OPA1: variants seen among roughly 807,000 people sequenced by gnomAD.
The protein encoded by OPA1 is OPA1 mitochondrial dynamin like GTPase, also known as dynamin-like GTPase OPA1, mitochondrial.
A neutral mutation model predicts 152.9 loss-of-function variants in OPA1; 59 were observed. The observed-to-expected ratio is 0.39, with a 90% CI of 0.31 to 0.48. OPA1 has a LOEUF of 0.48. Ranked by LOEUF, OPA1 falls within the 20% of genes least tolerant of loss-of-function variation. The pLI, the probability that OPA1 is intolerant of heterozygous loss-of-function variation, is 0.96. For synonymous variants in OPA1, 400 were observed against 389.9 expected, an observed-to-expected ratio of 1.03 and a Z score of -0.31; for missense variants, 1,008 against 1,216.8, an observed-to-expected ratio of 0.83 and a Z score of 2.55.
chr3:193,593,457 G>T, intron 1 of OPA1, 48 bp downstream of exon 1: 1 of 1,488,356 alleles, frequency 6.7e-7, no homozygotes, highest in Non-Finnish European at 9.0e-7. Context: ...GGCCTCTTGA[G>T]AGTGGGGCTG....
chr3:193,667,444 G>A (rs114568312), intron 29 of OPA1, 164 bp downstream of exon 29: 16,866 of 665,702 alleles, frequency 0.025, 284 homozygotes, highest in Non-Finnish European at 0.029. Flanking sequence ...GCCAAGATGG[G>A]TGGAAAACAA....
intron 26 of OPA1, 55 bp from the exon 27 acceptor site, chr3:193,664,825 T>A: frequency 1.1e-6 from 1 of 948,552 alleles, no homozygotes; most frequent in Non-Finnish European, 1.7e-6. Context: ...CTCAGTGTGG[T>A]TGATCAACAT....
chr3:193,659,251 A>G (rs548657337), intron 24 of OPA1, among the ~76,000 whole-genome samples: 1 of 152,354 alleles, frequency 6.6e-6, no homozygotes, highest in East Asian at 1.9e-4. Context: ...TGTGTTCGCT[A>G]CTGTACTTAT....
Position 193,615,763 on chromosome 3 carries a change from C to T in OPA1, c.441C>T (p.Ile147=), listed in dbSNP as rs750416208. ...TTGTGTGGGAAATTGATGAGTATAT[C>T]GATTTTGGTTTGTATCATGAACATT... The part of the protein sequence containing the change: ...PDIVWEIDEY[I]DFEKIRKALP... Residue 147 remains isoleucine, a synonymous_variant, in exon 3 of 31, where the codon ATC becomes ATT. Coordinates refer to ENST00000361510, the MANE Select transcript of OPA1 (RefSeq NM_130837.3). The T allele has an allele frequency of 7.5e-6, 12 of 1,599,354 alleles. No homozygotes were observed. Among genetic ancestry groups the T allele is most frequent in the Non-Finnish European group, 9.4e-6 (11 of 1,166,798 alleles).
At chr3:193,673,383 T>C (rs1172655154) in intron 29 of OPA1, among the ~76,000 whole-genome samples, 1 of 152,222 alleles carries the variant, frequency 6.6e-6, no homozygotes, top group Non-Finnish European at 1.5e-5. Context: ...TATGAGAACT[T>C]TCATAGAACA....
intron 27 of OPA1, 78 bp from the exon 28 acceptor site, chr3:193,666,218 C>T: frequency 2.5e-6 from 3 of 1,179,764 alleles, no homozygotes; most frequent in Non-Finnish European, 3.8e-6. Flanking sequence ...TCTACTGGTT[C>T]TAGTAGTTGT....
Position 193,617,205 on chromosome 3 carries a change from C to G in OPA1, c.476C>G (p.Ser159Ter). The change falls in exon 4 of 31, where the codon TCA (serine) becomes TGA (stop). Residue 159 changes from serine to a stop codon, truncating the protein, a stop_gained. Transcript: ENST00000361510. LOFTEE classifies it high-confidence loss of function. ...AAAATTAGAAAAGCCCTTCCTAGTT[C>G]AGAAGACCTTGTAAAGTTAGCACCA... ...FEKIRKALPS[S>*]EDLVKLAPDF... The G allele has an allele frequency of 1.2e-6, 2 of 1,611,384 alleles. No homozygotes were observed. The highest frequency in any genetic ancestry group is 1.7e-6 in the Non-Finnish European group (2 of 1,177,732).
chr3:193,651,455 T>A (rs1577271794), intron 21 of OPA1, among the ~76,000 whole-genome samples: 1 of 151,954 alleles, frequency 6.6e-6, no homozygotes, highest in Non-Finnish European at 1.5e-5. Context: ...AAATAATGAG[T>A]ATGTTTATAT....
chr3:193,640,041 G>T (rs187679416), intron 11 of OPA1, among the ~76,000 whole-genome samples: 5 of 152,266 alleles, frequency 3.3e-5, no homozygotes, highest in African/African-American at 1.2e-4. Flanking sequence ...AGGTTTGGGG[G>T]AAGAAGATCA....
In OPA1 at chr3:193,695,215, T is replaced by G. The variant is rs1250729324; in HGVS notation, c.*615T>G. On this transcript the variant is annotated 3_prime_UTR_variant, in exon 31 of 31. Transcript: ENST00000361510. ...CAGTGAAAGAAATTTCAACCCTTCA[T>G]AGCCAGCGAAGAAATTTGCCTTGGA... 6.6e-6 allele frequency: 1 copy of G among 152,220 alleles called. No homozygotes were observed. Among genetic ancestry groups the G allele is most frequent in the Non-Finnish European group, 1.5e-5 (1 of 68,030 alleles). The allele number at this position is 152,220 out of a possible 1,614,324, so 9.4% of individuals were successfully genotyped here. A position where few individuals can be genotyped will look rare whatever the true frequency, so the allele number is the denominator to read the frequency against.
intron 29 of OPA1, among the ~76,000 whole-genome samples, chr3:193,687,331 A>G (rs1721059337): frequency 6.6e-6 from 1 of 152,224 alleles, no homozygotes; most frequent in Non-Finnish European, 1.5e-5. Context: ...TCATCTTTTA[A>G]GTAAACATTG....
intron 27 of OPA1, among the ~76,000 whole-genome samples, chr3:193,665,865 T>A (rs1376654770): frequency 6.6e-6 from 1 of 152,182 alleles, no homozygotes; most frequent in Non-Finnish European, 1.5e-5. Flanking sequence ...TTTAAATACA[T>A]CACTTTATTT....
At chr3:193,669,427 C>T (rs1337862847) in intron 29 of OPA1, among the ~76,000 whole-genome samples, 1 of 152,198 alleles carries the variant, frequency 6.6e-6, no homozygotes, top group Admixed American at 6.5e-5. Flanking sequence ...AAGATTAGTG[C>T]TCAAATCTGA....
At chr3:193,662,637 A>G (rs1715553027) in intron 25 of OPA1, among the ~76,000 whole-genome samples, 185 bp from the exon 26 acceptor site, 1 of 147,682 alleles carries the variant, frequency 6.8e-6, no homozygotes, top group Non-Finnish European at 1.5e-5. Context: ...TTCTGTGTTC[A>G]TAGGCCATTT....
chr3:193,668,940 T>G (rs1717308666), intron 29 of OPA1: 1 of 866,928 alleles, frequency 1.2e-6, no homozygotes, highest in Admixed American at 5.5e-5. Flanking sequence ...TACCTCTGTT[T>G]GAGCCTGCCT....
intron 11 of OPA1, among the ~76,000 whole-genome samples, chr3:193,641,523 C>T (rs116312024): frequency 1.8e-3 from 279 of 152,254 alleles, no homozygotes; most frequent in Non-Finnish European, 3.3e-3. Context: ...CACCTTAAGA[C>T]GTGACTACTT....
At chr3:193,634,445 T>A (rs1211144000) in intron 8 of OPA1, among the ~76,000 whole-genome samples, 1 of 152,030 alleles carries the variant, frequency 6.6e-6, no homozygotes, top group African/African-American at 2.4e-5. Flanking sequence ...TCTTCCCAGC[T>A]TTTTTTGTCT....
intron 7 of OPA1, among the ~76,000 whole-genome samples, chr3:193,629,419 C>T (rs777520771): frequency 1.3e-5 from 2 of 151,886 alleles, no homozygotes; most frequent in East Asian, 3.9e-4. Context: ...TATTTGTAGG[C>T]GGGGCACGGT....
At chr3:193,658,087 A>C (rs1714302692) in intron 23 of OPA1, among the ~76,000 whole-genome samples, 1 of 152,108 alleles carries the variant, frequency 6.6e-6, no homozygotes, top group African/African-American at 2.4e-5. Flanking sequence ...CTCTACTAAA[A>C]ATACAAAATT....
Sources: allele counts gnomAD v4.1 joint callset (sites outside exome capture counted in the v4.1 genomes callset), GRCh38; gene constraint gnomAD v4.1.1; transcripts MANE v1.5; gene names NCBI Gene and HGNC (gene_info 2026-07-23, HGNC 2026-07-21).